FBXL18: variants seen among roughly 807,000 people sequenced by gnomAD.
FBXL18 encodes the protein F-box and leucine rich repeat protein 18, also known as F-box/LRR-repeat protein 18.
In FBXL18, 36 loss-of-function variants were observed where a neutral mutation model predicts 46.0. That is an observed-to-expected ratio of 0.78 (90% CI 0.60 to 1.03). The LOEUF (loss-of-function observed/expected upper bound fraction) is 1.03. FBXL18 is among the 50% of genes least tolerant of loss of function. The pLI is 0.00. For missense variants in FBXL18, 977 were observed against 1,004.1 expected, an observed-to-expected ratio of 0.97 and a Z score of 0.36; for synonymous variants, 557 against 465.3, an observed-to-expected ratio of 1.20 and a Z score of -2.54.
At position 5,505,632 on chromosome 7, in the gene FBXL18, T is replaced by C. The variant is rs1437445480; in HGVS notation, c.19-2A>G. ...GTCATCATCATCATTGGATATGTCCTGAAAATAAGGGGGACACCATTCCCA... is the reference window on the plus strand; with the variant it reads ...GTCATCATCATCATTGGATATGTCCCGAAAATAAGGGGGACACCATTCCCA... On this transcript the variant is annotated splice_acceptor_variant, in intron 1 of 4. Coordinates refer to ENST00000382368, the MANE Select transcript of FBXL18 (RefSeq NM_024963.6). LOFTEE classifies it high-confidence loss of function. 6.2e-7 allele frequency: 1 copy of C among 1,613,214 alleles called. No homozygotes were observed. Among genetic ancestry groups the C allele is most frequent in the Admixed American group, 1.7e-5 (1 of 59,976 alleles).
intron 2 of FBXL18, 128 bp from the exon 3 acceptor site, chr7:5,502,159 G>T (rs4724705): frequency 1.5e-6 from 1 of 684,516 alleles, no homozygotes; most frequent in Non-Finnish European, 2.4e-6. Context: ...CCCACCTCTC[G>T]CTGCCTACCT....
chr7:5,491,113 TG>T, intron 4 of FBXL18, 117 bp downstream of exon 4: 1 of 938,634 alleles, frequency 1.1e-6, no homozygotes, highest in Non-Finnish European at 1.6e-6. Flanking sequence ...TGTCACTGCC[TG>T]GTGCTCGTCA....
At chr7:5,486,072 AAT>A (rs1348133327) in intron 4 of FBXL18, among the ~76,000 whole-genome samples, 297 of 144,870 alleles carry the variant, frequency 2.1e-3, no homozygotes, top group South Asian at 2.6e-3. Flanking sequence ...AAAATAAATA[AAT>A]AAATAAATAA....
chr7:5,508,193 G>A (rs1046080371), intron 1 of FBXL18, among the ~76,000 whole-genome samples: 1 of 151,732 alleles, frequency 6.6e-6, no homozygotes, highest in African/African-American at 2.4e-5. Context: ...TTGAAACCGG[G>A]ATGTGGAGGT....
intron 1 of FBXL18, among the ~76,000 whole-genome samples, chr7:5,511,272 T>C (rs1784524149): frequency 1.3e-5 from 2 of 151,292 alleles, no homozygotes; most frequent in African/African-American, 2.4e-5. Flanking sequence ...CCGTCTCTAC[T>C]AAAAATACAA....
rs573180617 is a variant in FBXL18 at position 5,496,009 on chromosome 7, G to A, written c.1781+4479C>T. Reference sequence around the variant, plus strand: ...ACCCACAGAACCCGCAGGCCTCTCCGCGCCTTCTCCATGGCCCTGCTCCTG... The same window carrying A: ...ACCCACAGAACCCGCAGGCCTCTCCACGCCTTCTCCATGGCCCTGCTCCTG... On this transcript the variant is annotated intron_variant, in intron 3 of 4. Coordinates refer to ENST00000382368, the MANE Select transcript of FBXL18 (RefSeq NM_024963.6). This position sits in a 1 kb window ranked among gnomAD's most constrained non-coding sequence, Gnocchi z 4.8. 24 of 412,562 alleles carry A rather than the reference G, an allele frequency of 5.8e-5. No individual in the cohort carries two copies. In the East Asian group the frequency reaches 1.1e-3, roughly 19 times the overall value. 25.6% of individuals were successfully genotyped at this position (412,562 alleles called of 1,614,324 possible).
intron 4 of FBXL18, among the ~76,000 whole-genome samples, chr7:5,465,791 G>C (rs1783332726): frequency 6.6e-6 from 1 of 151,660 alleles, no homozygotes; most frequent in African/African-American, 2.4e-5. Flanking sequence ...ATACACCCAT[G>C]TACAAAAGCT....
intron 4 of FBXL18, among the ~76,000 whole-genome samples, chr7:5,487,236 G>T (rs949030895): frequency 8.5e-5 from 13 of 152,262 alleles, no homozygotes; most frequent in African/African-American, 1.2e-4. Flanking sequence ...CGGGGCCGGC[G>T]TGGAGCCAGG....
At chr7:5,463,982 A>C (rs1783304381) in intron 4 of FBXL18, among the ~76,000 whole-genome samples, 1 of 151,564 alleles carries the variant, frequency 6.6e-6, no homozygotes, top group African/African-American at 2.4e-5. Flanking sequence ...CTCATGATCC[A>C]CCCACCTCAG....
chr7:5,469,545 G>T (rs1165498315), intron 4 of FBXL18, among the ~76,000 whole-genome samples: 1 of 151,914 alleles, frequency 6.6e-6, no homozygotes, highest in African/African-American at 2.4e-5. Context: ...TCAGTGTGTG[G>T]GTGTGTGTGG....
chr7:5,454,611 G>C (rs1187928231), intron 4 of FBXL18, among the ~76,000 whole-genome samples: 1 of 152,182 alleles, frequency 6.6e-6, no homozygotes, highest in Non-Finnish European at 1.5e-5. Flanking sequence ...GGAAAGAAAT[G>C]AGTTCCTCAA....
chr7:5,472,371 C>T (rs1783441743), downstream of FBXL18, among the ~76,000 whole-genome samples: 1 of 152,220 alleles, frequency 6.6e-6, no homozygotes. Context: ...CTGGGACTGC[C>T]TTGGTCAACA....
rs200944822 is a variant in FBXL18 at position 5,481,793 on chromosome 7, C to T, written c.2139G>A (p.Pro713=). ...TLFKSRVAEE[P]PNLWW Reference sequence around the variant, plus strand: ...CCGCCTCTCACCACCACAGGTTCGGCGGTTCCTCGGCCACTCTGCTCTTAA... The same window carrying T: ...CCGCCTCTCACCACCACAGGTTCGGTGGTTCCTCGGCCACTCTGCTCTTAA... Residue 713 remains proline, a synonymous_variant, in exon 5 of 5, where the codon CCG becomes CCA. Transcript: ENST00000382368. 2.4e-5 allele frequency: 39 copies of T among 1,613,348 alleles called. No homozygotes were observed. The highest frequency in any genetic ancestry group is 3.3e-4 in the Middle Eastern group (2 of 6,084).
chr7:5,484,120 A>T (rs972915702), intron 4 of FBXL18, among the ~76,000 whole-genome samples: 1 of 152,140 alleles, frequency 6.6e-6, no homozygotes, highest in Non-Finnish European at 1.5e-5. Context: ...CATGCCATGT[A>T]CTTGATTTGC....
At chr7:5,494,215 T>G (rs971014170) in intron 3 of FBXL18, among the ~76,000 whole-genome samples, 11 of 150,632 alleles carry the variant, frequency 7.3e-5, no homozygotes, top group African/African-American at 2.7e-4. Context: ...GAGGTTGCGG[T>G]GAGCCAAGAT....
intron 4 of FBXL18, among the ~76,000 whole-genome samples, chr7:5,460,482 C>G (rs958094810): frequency 3.3e-5 from 5 of 152,174 alleles, no homozygotes; most frequent in Admixed American, 3.3e-4. Context: ...GAGACAGGTT[C>G]TCGCTCTGTC....
At chr7:5,465,599 T>A (rs1414036451) in intron 4 of FBXL18, among the ~76,000 whole-genome samples, 1 of 151,534 alleles carries the variant, frequency 6.6e-6, no homozygotes, top group Non-Finnish European at 1.5e-5. Context: ...CTCACACCAC[T>A]GCACTCCAGC....
intron 1 of FBXL18, 65 bp downstream of exon 1, chr7:5,513,592 G>C: frequency 6.3e-7 from 1 of 1,581,846 alleles, no homozygotes; most frequent in Non-Finnish European, 8.7e-7. Context: ...GGGTCGGGAT[G>C]GAAGAACCCA....
At chr7:5,504,597 C>T (rs187090828) in intron 2 of FBXL18, among the ~76,000 whole-genome samples, 23 of 145,956 alleles carry the variant, frequency 1.6e-4, no homozygotes, top group African/African-American at 5.7e-4. Flanking sequence ...TGAACCACCG[C>T]ACCTGGCCTT....
Sources: allele counts gnomAD v4.1 joint callset (sites outside exome capture counted in the v4.1 genomes callset), GRCh38; gene constraint gnomAD v4.1.1; non-coding constraint Gnocchi (gnomAD v3.1); transcripts MANE v1.5; gene names NCBI Gene and HGNC (gene_info 2026-07-23, HGNC 2026-07-21).